The following CFAP221 variants were observed in gnomAD, a reference collection of about 807,000 sequenced individuals.
The protein encoded by CFAP221 is cilia and flagella associated protein 221, also known as cilia- and flagella-associated protein 221.
In CFAP221, 97 loss-of-function variants were observed where a neutral mutation model predicts 113.1. The observed-to-expected ratio is 0.86, with a 90% CI of 0.73 to 1.02. The LOEUF (loss-of-function observed/expected upper bound fraction) is 1.02. Ranked by LOEUF, CFAP221 falls within the 50% of genes least tolerant of loss-of-function variation. The pLI is 0.00. For synonymous variants in CFAP221, 331 were observed against 354.4 expected, an observed-to-expected ratio of 0.93 and a Z score of 0.74; for missense variants, 1,025 against 1,013.4, an observed-to-expected ratio of 1.01 and a Z score of -0.16.
intron 1 of CFAP221, 86 bp downstream of exon 1, chr2:119,544,596 G>A (rs1233584596): frequency 6.6e-6 from 1 of 152,282 alleles, no homozygotes; most frequent in African/African-American, 2.4e-5. Flanking sequence ...ACCGAGCCCC[G>A]GGTGGTGTCC....
chr2:119,649,140 G>C (rs550166412), intron 22 of CFAP221, among the ~76,000 whole-genome samples: 1 of 152,152 alleles, frequency 6.6e-6, no homozygotes, highest in Non-Finnish European at 1.5e-5. Context: ...CTCACTTCAC[G>C]AATGAAGCTC....
chr2:119,606,517 G>A (rs529289356), intron 11 of CFAP221, among the ~76,000 whole-genome samples: 1 of 152,096 alleles, frequency 6.6e-6, no homozygotes, highest in South Asian at 2.1e-4. Flanking sequence ...TTATGGTCCC[G>A]CCTCAGTTAA....
At chr2:119,638,157 T>C (rs1436109250) in intron 19 of CFAP221, 102 bp from the exon 20 acceptor site, 5 of 1,228,404 alleles carry the variant, frequency 4.1e-6, no homozygotes, top group Non-Finnish European at 5.9e-6. Context: ...CACAGAGTGT[T>C]AGTGCTAGTG....
intron 19 of CFAP221, 21 bp from the exon 20 acceptor site, chr2:119,638,238 T>C (rs563762108): frequency 6.2e-7 from 1 of 1,613,250 alleles, no homozygotes; most frequent in Non-Finnish European, 8.5e-7. Context: ...GAAAAGAATA[T>C]TTTTTCCCTG....
chr2:119,652,096 A>G (rs765396860), intron 23 of CFAP221, 27 bp downstream of exon 23: 1 of 1,555,702 alleles, frequency 6.4e-7, no homozygotes, highest in South Asian at 1.1e-5. Flanking sequence ...ATGCCTTATT[A>G]AAAGGTAATC....
intron 21 of CFAP221, among the ~76,000 whole-genome samples, chr2:119,645,125 T>C (rs1276946715): frequency 6.6e-6 from 1 of 151,680 alleles, no homozygotes; most frequent in African/African-American, 2.4e-5. Flanking sequence ...TCTCTGTCTC[T>C]GTCTGTCTCT....
chr2:119,589,502 T>C (rs1478642758), intron 7 of CFAP221: 1 of 152,250 alleles, frequency 6.6e-6, no homozygotes, highest in African/African-American at 2.4e-5. Context: ...ACAGTTAGCA[T>C]GTGTATTTGT....
chr2:119,658,699 G>A (rs1022536296), downstream of CFAP221, among the ~76,000 whole-genome samples: 2 of 151,872 alleles, frequency 1.3e-5, no homozygotes, highest in Non-Finnish European at 2.9e-5. Flanking sequence ...CATGAATTAT[G>A]GCCAGGCGTG....
chr2:119,630,007 A>C (rs765016771), intron 17 of CFAP221, 52 bp downstream of exon 17: 1 of 1,443,662 alleles, frequency 6.9e-7, no homozygotes. Flanking sequence ...AAGTAAACAA[A>C]ATATTCTTGA....
intron 20 of CFAP221, 132 bp downstream of exon 20, chr2:119,638,549 C>A (rs536723116): frequency 4.3e-6 from 5 of 1,168,540 alleles, no homozygotes; most frequent in Non-Finnish European, 6.2e-6. Flanking sequence ...ATGGTAACAC[C>A]GCCCCTCATA....
rs924826105 is a variant in CFAP221, at chr2:119,546,182, C to T, written c.51C>T (p.Pro17=). The T allele has an allele frequency of 6.5e-7, 1 of 1,535,844 alleles. No individual in the cohort carries two copies. Among genetic ancestry groups the T allele is most frequent in the African/African-American group, 1.4e-5 (1 of 73,104 alleles). The part of the protein sequence containing the change: ...PSRGLKNAKE[P]FNNASPHLLK... The stretch of plus-strand genomic sequence containing the variant: ...GAGGACTAAAGAATGCTAAAGAACC[C>T]TTTAATAATGCATCACCCCATCTCT... Residue 17 remains proline (P), a synonymous_variant, in exon 2 of 24, where the codon CCC becomes CCT. Transcript: ENST00000413369.
At chr2:119,566,571 C>T (rs1273446743) in intron 6 of CFAP221, among the ~76,000 whole-genome samples, 5 of 152,236 alleles carry the variant, frequency 3.3e-5, no homozygotes, top group African/African-American at 7.2e-5. Context: ...CCAGCTCCTA[C>T]AGACATGAGC....
intron 14 of CFAP221, among the ~76,000 whole-genome samples, chr2:119,624,552 T>G (rs1291752637): frequency 1.3e-5 from 2 of 152,200 alleles, no homozygotes; most frequent in Non-Finnish European, 2.9e-5. Flanking sequence ...ATCATTCTAC[T>G]ATAAAGACAC....
intron 14 of CFAP221, among the ~76,000 whole-genome samples, chr2:119,618,909 G>A (rs1054607780): frequency 2.6e-5 from 4 of 152,144 alleles, no homozygotes; most frequent in African/African-American, 7.2e-5. Flanking sequence ...GGGGAGGGGC[G>A]TCTGCCATTA....
intron 19 of CFAP221, among the ~76,000 whole-genome samples, chr2:119,633,575 A>T (rs1686923060): frequency 6.6e-6 from 1 of 151,834 alleles, no homozygotes; most frequent in Admixed American, 6.6e-5. Flanking sequence ...CAAACTATAT[A>T]TTTGATAAGG....
At chr2:119,657,382 A>G (rs1303375132), downstream of CFAP221, among the ~76,000 whole-genome samples, 1 of 152,134 alleles carries the variant, frequency 6.6e-6, no homozygotes, top group African/African-American at 2.4e-5. Flanking sequence ...CTCACCTTAC[A>G]TGGGGTTGTG....
intron 5 of CFAP221, among the ~76,000 whole-genome samples, chr2:119,561,090 A>T (rs879270651): frequency 2.6e-5 from 4 of 152,066 alleles, no homozygotes; most frequent in Non-Finnish European, 5.9e-5. Flanking sequence ...GGAGTTTGAG[A>T]CTAGCCTGGC....
At chr2:119,625,718 C>G in intron 15 of CFAP221, 30 bp downstream of exon 15, 1 of 1,540,690 alleles carries the variant, frequency 6.5e-7, no homozygotes. Flanking sequence ...CACAGAGATG[C>G]CGAGACTGAT....
chr2:119,602,819 T>C, intron 8 of CFAP221: 2 of 973,740 alleles, frequency 2.1e-6, no homozygotes, highest in South Asian at 4.8e-5. Context: ...CAAATGACTT[T>C]CTTAAAGACA....
Sources: gnomAD v4.1 joint callset for allele counts (sites outside exome capture counted in the v4.1 genomes callset) on GRCh38, gnomAD v4.1.1 for gene constraint, MANE v1.5 for transcripts, NCBI Gene and HGNC (gene_info 2026-07-23, HGNC 2026-07-21) for gene names.